The following MSRB3 variants were observed in gnomAD, a reference collection of about 807,000 sequenced individuals.
MSRB3 encodes the protein methionine-R-sulfoxide reductase B3.
In MSRB3, 13 loss-of-function variants were observed where a neutral mutation model predicts 21.0. That is an observed-to-expected ratio of 0.62 (90% CI 0.40 to 0.98). The LOEUF (loss-of-function observed/expected upper bound fraction) is 0.98, where lower values mean the gene tolerates loss of function less well. MSRB3 is among the 50% of genes least tolerant of loss of function. The pLI, the probability that MSRB3 is intolerant of heterozygous loss-of-function variation, is 0.00. For synonymous variants in MSRB3, 87 were observed against 88.6 expected, an observed-to-expected ratio of 0.98 and a Z score of 0.10; for missense variants, 199 against 230.3, an observed-to-expected ratio of 0.86 and a Z score of 0.88.
chr12:65,328,005 ACATAGACTT>A (rs1875164094), intron 3 of MSRB3, among the ~76,000 whole-genome samples: 1 of 152,256 alleles, frequency 6.6e-6, no homozygotes, highest in Admixed American at 6.5e-5. Flanking sequence ...GCTGCAGAGC[ACATAGACTT>A]TTTGTTGGGC....
intron 3 of MSRB3, among the ~76,000 whole-genome samples, chr12:65,327,368 C>A (rs1431468268): frequency 6.6e-6 from 1 of 152,216 alleles, no homozygotes; most frequent in African/African-American, 2.4e-5. Flanking sequence ...TTCTTTTCTA[C>A]CCAACTCCAA....
chr12:65,360,901 G>C (rs577338275), intron 4 of MSRB3, among the ~76,000 whole-genome samples: 51 of 152,084 alleles, frequency 3.4e-4, no homozygotes, highest in African/African-American at 1.2e-3. Flanking sequence ...GCATAATTAG[G>C]TCATTTGTGT....
At position 65,453,745 on chromosome 12, in the gene MSRB3, G is replaced by A. The variant is rs727503162; in HGVS notation, c.310G>A (p.Asp104Asn). Reference protein sequence around the residue: ...DSGSGWPSFHDVINSEAITFT... With the variant: ...DSGSGWPSFHNVINSEAITFT... Reference sequence around the variant, plus strand: ...TGTCCCAGGTTGGCCTTCATTCCACGATGTGATCAATTCTGAGGCAATCAC... The same window carrying A: ...TGTCCCAGGTTGGCCTTCATTCCACAATGTGATCAATTCTGAGGCAATCAC... Residue 104 changes from aspartate (D) to asparagine (N), a missense_variant, in exon 6 of 7, where the codon GAT becomes AAT. Transcript: ENST00000308259. The A allele has an allele frequency of 8.7e-6, 14 of 1,613,976 alleles. No homozygotes were observed. The highest frequency in any genetic ancestry group is 1.7e-5 in the Admixed American group (1 of 59,992).
intron 5 of MSRB3, chr12:65,419,446 G>A (rs941147503): frequency 2.7e-6 from 2 of 748,696 alleles, no homozygotes; most frequent in East Asian, 2.5e-5. Flanking sequence ...AGTGACACTG[G>A]TGTCATCAAT....
chr12:65,409,012 A>G (rs1880571833), intron 5 of MSRB3, among the ~76,000 whole-genome samples: 3 of 152,172 alleles, frequency 2.0e-5, no homozygotes, highest in Non-Finnish European at 2.9e-5. Flanking sequence ...GGTAAAACAT[A>G]TGAAAGTGTG....
In MSRB3 at chr12:65,376,142, C is replaced by T. The variant is rs1395078062; in HGVS notation, c.292+7116C>T. Among the ~76,000 whole-genome samples, 5 of 123,698 alleles carry T rather than the reference C, an allele frequency of 4.0e-5. No homozygotes were observed. In the East Asian group the frequency reaches 9.7e-4, roughly 24 times the overall value. The allele number at this position is 123,698 out of a possible 152,430, so 81.2% of individuals were successfully genotyped here. A position where few individuals can be genotyped will look rare whatever the true frequency, so the allele number is the denominator to read the frequency against. On this transcript the variant is annotated intron_variant, in intron 5 of 6. Coordinates refer to ENST00000308259, the MANE Select transcript of MSRB3 (RefSeq NM_001031679.3). ...AATTTTTTTTTTTTTTTTTTTGAGA[C>T]GGAGTCTCGCTCTTTCGCCCAGGCC... is the stretch of plus-strand genomic sequence containing the variant.
intron 4 of MSRB3, among the ~76,000 whole-genome samples, chr12:65,361,398 T>G (rs1057017361): frequency 6.6e-6 from 1 of 152,144 alleles, no homozygotes; most frequent in Non-Finnish European, 1.5e-5. Context: ...GTTGGCTCCT[T>G]TCCCACAACT....
At chr12:65,447,293 A>G (rs1882662193) in intron 5 of MSRB3, among the ~76,000 whole-genome samples, 1 of 152,218 alleles carries the variant, frequency 6.6e-6, no homozygotes, top group Admixed American at 6.5e-5. Context: ...TTGATCAAAG[A>G]TCCCCAAAGA....
At chr12:65,322,073 C>CTT (rs1874704489) in intron 2 of MSRB3, among the ~76,000 whole-genome samples, 1 of 151,968 alleles carries the variant, frequency 6.6e-6, no homozygotes, top group African/African-American at 2.4e-5. Context: ...TAAAAGTACT[C>CTT]TAAGGTTTAG....
chr12:65,325,369 G>A (rs1874948586), intron 2 of MSRB3, among the ~76,000 whole-genome samples: 1 of 152,218 alleles, frequency 6.6e-6, no homozygotes, highest in Non-Finnish European at 1.5e-5. Flanking sequence ...CCAGGGAAGG[G>A]CTGAAGTATT....
At chr12:65,310,892 T>A (rs1356768311) in intron 2 of MSRB3, among the ~76,000 whole-genome samples, 1 of 152,188 alleles carries the variant, frequency 6.6e-6, no homozygotes, top group Non-Finnish European at 1.5e-5. Context: ...GAGATAATAA[T>A]AGTACCAACC....
At chr12:65,290,099 T>C (rs1872590044) in intron 1 of MSRB3, among the ~76,000 whole-genome samples, 2 of 151,898 alleles carry the variant, frequency 1.3e-5, no homozygotes, top group African/African-American at 4.8e-5. Flanking sequence ...TATTTTCTCC[T>C]ATTACTTTCA....
chr12:65,404,265 T>C (rs1880292577), intron 5 of MSRB3, among the ~76,000 whole-genome samples: 1 of 152,240 alleles, frequency 6.6e-6, no homozygotes, highest in Non-Finnish European at 1.5e-5. Flanking sequence ...GTGGTTGCCC[T>C]GGAGTTTGCA....
At chr12:65,341,252 A>G (rs1021667145) in intron 4 of MSRB3, among the ~76,000 whole-genome samples, 10 of 152,150 alleles carry the variant, frequency 6.6e-5, no homozygotes, top group South Asian at 2.1e-4. Context: ...GTTATTTGCA[A>G]CAACATGGAT....
At chr12:65,376,365 C>T (rs1007158604) in intron 5 of MSRB3, among the ~76,000 whole-genome samples, 1 of 152,138 alleles carries the variant, frequency 6.6e-6, no homozygotes, top group Non-Finnish European at 1.5e-5. Context: ...GTGATCCGCC[C>T]GCCTCGGCCT....
intron 5 of MSRB3, among the ~76,000 whole-genome samples, chr12:65,443,717 T>G (rs760329744): frequency 6.6e-6 from 1 of 151,980 alleles, no homozygotes; most frequent in African/African-American, 2.4e-5. Context: ...CATAAGAAAA[T>G]TAGCATGTTA....
At chr12:65,419,147 C>T in intron 5 of MSRB3, 2 of 682,596 alleles carry the variant, frequency 2.9e-6, no homozygotes, top group Non-Finnish European at 2.7e-6. Flanking sequence ...ATCATCTCAA[C>T]AGCTCCAACC....
chr12:65,419,337 A>G lies in MSRB3; in HGVS notation c.293-34391A>G. The G allele has an allele frequency of 6.6e-6, 5 of 758,412 alleles. No individual in the cohort carries two copies. In the South Asian group the frequency reaches 6.8e-5, roughly 10 times the overall value. 47.0% of individuals were successfully genotyped at this position (758,412 alleles called of 1,614,324 possible). On this transcript the variant is annotated intron_variant, in intron 5 of 6. Transcript: ENST00000308259. ...CCTCCAAGATCAAACCAGAGCTGAC[A>G]ATCTGGGCTTGTAGGCCTTTTACTT...
intron 5 of MSRB3, among the ~76,000 whole-genome samples, chr12:65,380,008 A>T (rs932765537): frequency 1.3e-5 from 2 of 152,220 alleles, no homozygotes; most frequent in African/African-American, 4.8e-5. Context: ...AGATATATAC[A>T]TATGAAGATA....
Sources: allele counts gnomAD v4.1 joint callset (sites outside exome capture counted in the v4.1 genomes callset), GRCh38; gene constraint gnomAD v4.1.1; transcripts MANE v1.5; gene names NCBI Gene and HGNC (gene_info 2026-07-23, HGNC 2026-07-21).